The following CCDC7 variants were observed in gnomAD, a reference collection of about 807,000 sequenced individuals.
CCDC7 encodes coiled-coil domain-containing protein 7.
A neutral mutation model predicts 196.9 loss-of-function variants in CCDC7; 183 were observed. The observed-to-expected ratio is 0.93, with a 90% confidence interval of 0.82 to 1.05. The LOEUF is 1.05. Among genes scored for constraint, CCDC7 ranks in the 50% least tolerant of loss-of-function variants. The pLI is 0.00. For missense variants in CCDC7, 1,540 were observed against 1,482.2 expected (o/e 1.04, Z -0.64); for synonymous variants, 525 against 484.6 (o/e 1.08, Z -1.10).
intron 9 of CCDC7, among the ~76,000 whole-genome samples, chr10:32,508,629 A>AT (rs937657234): frequency 2.5e-4 from 37 of 148,436 alleles, no homozygotes; most frequent in Middle Eastern, 3.5e-3. Context: ...TTACTTTCTT[A>AT]TTTTTTTTTT....
chr10:32,747,136 G>A (rs778317266), intron 28 of CCDC7, among the ~76,000 whole-genome samples: 3 of 152,194 alleles, frequency 2.0e-5, no homozygotes, highest in Admixed American at 6.5e-5. Context: ...AGGAGCCAGA[G>A]AGAAAAGCCA....
intron 21 of CCDC7, among the ~76,000 whole-genome samples, chr10:32,669,288 T>G (rs951214219): frequency 3.3e-5 from 5 of 152,106 alleles, no homozygotes; most frequent in Non-Finnish European, 7.4e-5. Context: ...GCTGTCGAAT[T>G]TAGTTTGTTA....
chr10:32,511,105 A>G (rs2046041999), intron 9 of CCDC7, among the ~76,000 whole-genome samples: 1 of 152,000 alleles, frequency 6.6e-6, no homozygotes, highest in Admixed American at 6.6e-5. Context: ...TTATAAATAT[A>G]TAATATATCA....
chr10:32,664,015 A>C, intron 20 of CCDC7, 39 bp from the exon 22 acceptor site: 1 of 393,138 alleles, frequency 2.5e-6, no homozygotes. Context: ...ATTTCACTAT[A>C]GTTTATGTTT....
intron 21 of CCDC7, among the ~76,000 whole-genome samples, chr10:32,667,516 G>C (rs908220247): frequency 2.0e-5 from 3 of 152,288 alleles, no homozygotes; most frequent in Non-Finnish European, 4.4e-5. Flanking sequence ...TAACATTTAA[G>C]TCTTTAATCC....
chr10:32,659,994 A>T (rs1203727416), intron 20 of CCDC7, among the ~76,000 whole-genome samples: 1 of 152,170 alleles, frequency 6.6e-6, no homozygotes, highest in African/African-American at 2.4e-5. Context: ...AAAGGAATAG[A>T]TATCATTCTC....
At chr10:32,745,823 A>T (rs2074623662) in intron 28 of CCDC7, among the ~76,000 whole-genome samples, 1 of 152,136 alleles carries the variant, frequency 6.6e-6, no homozygotes. Flanking sequence ...CCTTGAAAAT[A>T]TTGTCATCCT....
At chr10:32,762,344 A>T (rs927112956) in intron 28 of CCDC7, among the ~76,000 whole-genome samples, 1 of 151,642 alleles carries the variant, frequency 6.6e-6, no homozygotes, top group African/African-American at 2.4e-5. Context: ...TTATTCCTGG[A>T]AGTGGTTTGT....
chr10:32,769,797 C>A (rs1162797143), intron 28 of CCDC7, among the ~76,000 whole-genome samples: 1 of 152,168 alleles, frequency 6.6e-6, no homozygotes, highest in Admixed American at 6.5e-5. Flanking sequence ...CATGTCCCTG[C>A]AAAAGACATG....
chr10:32,617,074 A>G (rs1051555790), intron 18 of CCDC7, among the ~76,000 whole-genome samples: 1 of 151,600 alleles, frequency 6.6e-6, no homozygotes, highest in Non-Finnish European at 1.5e-5. Flanking sequence ...CTAGTTTGTG[A>G]GTGTAGAGTT....
At chr10:32,518,283 A>G in intron 10 of CCDC7, 133 bp from the exon 12 acceptor site, 1 of 1,027,040 alleles carries the variant, frequency 9.7e-7, no homozygotes, top group East Asian at 2.8e-5. Context: ...GTGTCACTCT[A>G]CAGACTGATA....
At chr10:32,514,711 T>G (rs1235250073) in intron 9 of CCDC7, 1 of 152,196 alleles carries the variant, frequency 6.6e-6, no homozygotes, top group Non-Finnish European at 1.5e-5. Flanking sequence ...TACCTGAATT[T>G]AAAAGAAATG....
At chr10:32,666,406 T>C (rs540719032) in intron 21 of CCDC7, among the ~76,000 whole-genome samples, 1 of 152,300 alleles carries the variant, frequency 6.6e-6, no homozygotes, top group African/African-American at 2.4e-5. Flanking sequence ...CTTTACGTTC[T>C]AGGGTACATG....
chr10:32,821,371 A>C (rs528746723), intron 31 of CCDC7, among the ~76,000 whole-genome samples: 5 of 152,270 alleles, frequency 3.3e-5, no homozygotes, highest in South Asian at 4.1e-4. Context: ...GTGGGACTGT[A>C]AACTAGTTCA....
intron 9 of CCDC7, chr10:32,511,275 A>AGGGG: frequency 2.3e-6 from 1 of 441,578 alleles, no homozygotes; most frequent in Non-Finnish European, 3.7e-6. Context: ...GGGGGCGGGG[A>AGGGG]AATGTACTTT....
intron 24 of CCDC7, among the ~76,000 whole-genome samples, chr10:32,703,591 A>G (rs549689444): frequency 6.6e-6 from 1 of 152,190 alleles, no homozygotes; most frequent in South Asian, 2.1e-4. Context: ...GTTCTCCTGC[A>G]TAATATCCTG....
At chr10:32,585,482 C>T (rs189186239) in intron 18 of CCDC7, among the ~76,000 whole-genome samples, 6,307 of 152,168 alleles carry the variant, frequency 0.041, 132 homozygotes, top group Middle Eastern at 0.065. Context: ...CCCATCAACC[C>T]GTCATCTACA....
chr10:32,717,531 G>A (rs2081790411), intron 25 of CCDC7, among the ~76,000 whole-genome samples: 2 of 152,072 alleles, frequency 1.3e-5, no homozygotes, highest in African/African-American at 4.8e-5. Flanking sequence ...TAAAATCAGA[G>A]CAGAACTGAA....
chr10:32,548,458 C>T (rs548063961), intron 13 of CCDC7, among the ~76,000 whole-genome samples: 3 of 152,218 alleles, frequency 2.0e-5, no homozygotes, highest in Non-Finnish European at 2.9e-5. Flanking sequence ...CTGATTAGAA[C>T]TGGTGGAAAA....
Sources: allele counts gnomAD v4.1 joint callset (sites outside exome capture counted in the v4.1 genomes callset), GRCh38; gene constraint gnomAD v4.1.1; transcripts MANE v1.5; gene names NCBI Gene and HGNC (gene_info 2026-07-23, HGNC 2026-07-21).